SACS: variants seen among roughly 807,000 people sequenced by gnomAD.
The protein encoded by SACS is sacsin.
A neutral mutation model predicts 348.0 loss-of-function variants in SACS; 197 were observed. The observed-to-expected ratio is 0.57, with a 90% CI of 0.50 to 0.64. SACS has a LOEUF of 0.64. Ranked by LOEUF, SACS falls within the 30% of genes least tolerant of loss-of-function variation. SACS has a pLI of 0.00. For synonymous variants in SACS, 1,985 were observed against 1,910.6 expected (o/e 1.04, Z -1.02); for missense variants, 4,999 against 5,360.8 (o/e 0.93, Z 2.11).
chr13:23,433,099 T>C (rs1219582783), intron 1 of SACS, among the ~76,000 whole-genome samples: 1 of 152,204 alleles, frequency 6.6e-6, no homozygotes, highest in Non-Finnish European at 1.5e-5. Context: ...CCATAACATA[T>C]GGCATTGTTT....
chr13:23,391,698 C>T (rs7989018), intron 2 of SACS, among the ~76,000 whole-genome samples: 122,605 of 152,072 alleles, frequency 0.81, 50,579 homozygotes, highest in East Asian at 1. Context: ...CCCCTTTGCA[C>T]ATAAACCCAT....
rs2137646278 is a variant in SACS, at chr13:23,341,696, A to G, written c.2186-6T>C. The stretch of plus-strand genomic sequence containing the variant: ...CAGCTGAGTACATGGTCTTCCTGTA[A>G]ATCATACACAGAAATGTCATAAATA... On this transcript the variant is annotated splice_polypyrimidine_tract_variant and splice_region_variant and intron_variant, in intron 9 of 9. Transcript: ENST00000382292. 6.2e-7 allele frequency: 1 copy of G among 1,610,956 alleles called. No homozygotes were observed. Among genetic ancestry groups the G allele is most frequent in the Non-Finnish European group, 8.5e-7 (1 of 1,178,602 alleles).
At chr13:23,429,251 A>G (rs1044619837) in intron 1 of SACS, among the ~76,000 whole-genome samples, 2 of 150,342 alleles carry the variant, frequency 1.3e-5, no homozygotes, top group African/African-American at 4.9e-5. Context: ...ATAATATTCA[A>G]TTATTTCTTT....
rs1475245253 is a variant in SACS at position 23,406,435 on chromosome 13, A to C, written c.20+4785T>G. Among the ~76,000 whole-genome samples the C allele has an allele frequency of 2.0e-5, 3 of 152,286 alleles. No homozygotes were observed. In the East Asian group the frequency reaches 5.8e-4, roughly 29 times the overall value. ...GGGAGAAATACCTAATGTAGATGACAGATTGATGGGTGCAGCAAACCACCA... is the reference window on the plus strand; with the variant it reads ...GGGAGAAATACCTAATGTAGATGACCGATTGATGGGTGCAGCAAACCACCA... On this transcript the variant is annotated intron_variant, in intron 2 of 9. Coordinates refer to ENST00000382292, the MANE Select transcript of SACS (RefSeq NM_014363.6).
In SACS at chr13:23,352,354, C is replaced by T. The variant is rs79271442; in HGVS notation, c.2185+1431G>A. On this transcript the variant is annotated intron_variant, in intron 9 of 9. Transcript: ENST00000382292. ...AAAGCCAGACGCAGAATATATGCCA[C>T]ATGGCTCCTTCTATACAAAGCATGA... is the stretch of plus-strand genomic sequence containing the variant. Among the ~76,000 whole-genome samples, 104 of 152,352 alleles carry T rather than the reference C, an allele frequency of 6.8e-4. 3 individuals are homozygous for T. In the East Asian group the frequency reaches 0.018, roughly 26 times the overall value.
At chr13:23,379,861 C>T (rs975437006) in intron 2 of SACS, among the ~76,000 whole-genome samples, 6 of 152,164 alleles carry the variant, frequency 3.9e-5, no homozygotes, top group African/African-American at 1.4e-4. Flanking sequence ...AACAGGGCTT[C>T]CCTGGGCTAC....
chr13:23,330,655 G>A lies in SACS; in HGVS notation c.13221C>T (p.Ser4407=), dbSNP rs775826915. ...TCTGTTGCTGTCTTTCAGATTTATG[G>A]CTCGTTGCTTCTTGATTCCATGAAG... ...FYTSWNQEAT[S]HKSERQQQNK... The change falls in exon 10 of 10, where the codon AGC becomes AGT. Residue 4407 remains serine, a synonymous_variant. Transcript: ENST00000382292. The A allele has an allele frequency of 1.9e-6, 3 of 1,613,868 alleles. No homozygotes were observed. Among genetic ancestry groups the A allele is most frequent in the Admixed American group, 3.3e-5 (2 of 59,972 alleles).
rs1566079841 is a variant in SACS at position 23,354,965 on chromosome 13, T to TA, written c.1646dup (p.Leu549PhefsTer18). 6.2e-7 allele frequency: 1 copy of TA among 1,614,250 alleles called. No homozygotes were observed. On this transcript the variant is annotated frameshift_variant, in exon 8 of 10. Coordinates refer to ENST00000382292, the MANE Select transcript of SACS (RefSeq NM_014363.6). LOFTEE classifies it high-confidence loss of function. ...GCAACAGCTCGCTGAATAGAGGCTC[T>TA]AACACCGGTTGCCAGTGCACCTTGA...
chr13:23,339,712 A>C lies in SACS; in HGVS notation c.4164T>G (p.Ser1388=). The part of the protein sequence containing the change: ...PVPIHHSKNP[S]KLIMKPIHEC... The stretch of plus-strand genomic sequence containing the variant: ...CGTGAATTGGCTTCATGATAAGTTT[A>C]GAAGGATTTTTGCTATGATGTATAG... The change falls in exon 10 of 10, where the codon TCT becomes TCG. Residue 1388 remains serine, a synonymous_variant. Coordinates refer to ENST00000382292, the MANE Select transcript of SACS (RefSeq NM_014363.6). The C allele has an allele frequency of 6.2e-7, 1 of 1,614,154 alleles. No homozygotes were observed. Among genetic ancestry groups the C allele is most frequent in the South Asian group, 1.1e-5 (1 of 91,078 alleles).
At chr13:23,352,702 C>T (rs1870043161) in intron 9 of SACS, among the ~76,000 whole-genome samples, 1 of 152,006 alleles carries the variant, frequency 6.6e-6, no homozygotes, top group Admixed American at 6.6e-5. Flanking sequence ...GGAATCCAGG[C>T]TTAGACTTTC....
intron 2 of SACS, among the ~76,000 whole-genome samples, chr13:23,392,301 G>C (rs1872557572): frequency 6.6e-6 from 1 of 152,186 alleles, no homozygotes; most frequent in Non-Finnish European, 1.5e-5. Context: ...CATATGGAGG[G>C]ATGACAGTGG....
intron 9 of SACS, among the ~76,000 whole-genome samples, chr13:23,347,652 G>A (rs185807640): frequency 6.6e-6 from 1 of 152,284 alleles, no homozygotes; most frequent in East Asian, 1.9e-4. Context: ...ACAGTCTAAT[G>A]GAGAAGGCAA....
Position 23,330,190 on chromosome 13 carries a change from T to C in SACS, c.13686A>G (p.Glu4562=), listed in dbSNP as rs780522946. ...FTSEVAMRVM[E]CTACIIIKLE... is the part of the protein sequence containing the mutation. Reference sequence around the variant, plus strand: ...GTTTTATTATGATACAGGCAGTACATTCCATCACCCTCATAGCAACCTCAG... The same window carrying C: ...GTTTTATTATGATACAGGCAGTACACTCCATCACCCTCATAGCAACCTCAG... The change falls in exon 10 of 10, where the codon GAA becomes GAG. Residue 4562 remains glutamate, a synonymous_variant. Coordinates refer to ENST00000382292, the MANE Select transcript of SACS (RefSeq NM_014363.6). 9.3e-6 allele frequency: 15 copies of C among 1,614,018 alleles called. No homozygotes were observed. The East Asian group carries it at 3.3e-4, about 36-fold the overall frequency.
At position 23,355,347 on chromosome 13, in the gene SACS, A is replaced by G. The variant is rs1350598685; in HGVS notation, c.1265T>C (p.Ile422Thr). 5.6e-6 allele frequency: 9 copies of G among 1,614,026 alleles called. No homozygotes were observed. The highest frequency in any genetic ancestry group is 7.6e-6 in the Non-Finnish European group (9 of 1,180,040). Reference sequence around the variant, plus strand: ...ATCTCTGCTTGATAAAGGCATGGCTATTCCAATGATTGGGACAAATTTCAG... The same window carrying G: ...ATCTCTGCTTGATAAAGGCATGGCTGTTCCAATGATTGGGACAAATTTCAG... Reference protein sequence around the residue: ...DELKFVPIIGIAMPLSSRDDE... With the variant: ...DELKFVPIIGTAMPLSSRDDE... Residue 422 changes from isoleucine (I) to threonine (T), a missense_variant, in exon 8 of 10, where the codon ATA (isoleucine) becomes ACA (threonine). By Grantham distance (89) the Ile-to-Thr change is moderately conservative. Around this residue, in one of 6 missense-constraint regions of SACS, gnomAD observed 3,156 missense variants for 3,380.1 expected, o/e 0.93. Coordinates refer to ENST00000382292, the MANE Select transcript of SACS (RefSeq NM_014363.6).
chr13:23,383,831 C>T (rs190460936), intron 2 of SACS, among the ~76,000 whole-genome samples: 91 of 152,264 alleles, frequency 6.0e-4, no homozygotes, highest in Non-Finnish European at 1.2e-3. Context: ...TGCTAAGTCC[C>T]CCTCTGGAGA....
rs947260883 is a variant in SACS at position 23,333,468 on chromosome 13, G to A, written c.10408C>T (p.Pro3470Ser). The change falls in exon 10 of 10, where the codon CCT becomes TCT. Residue 3470 changes from proline (P) to serine (S), a missense_variant. Transcript: ENST00000382292. ...AAATATACCTCAAGATCATCTACAG[G>A]TACACAACCAATCACCTCATATAGT... ...KELYEVIGCV[P>S]VDDLEVYLKH... is the part of the protein sequence containing the mutation. The A allele has an allele frequency of 1.9e-6, 3 of 1,612,574 alleles. No homozygotes were observed. Among genetic ancestry groups the A allele is most frequent in the Non-Finnish European group, 2.5e-6 (3 of 1,179,012 alleles).
Position 23,333,030 on chromosome 13 carries a change from A to T in SACS, c.10846T>A (p.Trp3616Arg). Residue 3616 changes from tryptophan (W) to arginine (R), a missense_variant, in exon 10 of 10, where the codon TGG becomes AGG. Physicochemically the swap from Trp to Arg is moderately radical, Grantham distance 101 (BLOSUM62 -3). This residue lies in a region of SACS where 831 missense variants were observed against 941.8 expected (regional missense o/e 0.88). Coordinates refer to ENST00000382292, the MANE Select transcript of SACS (RefSeq NM_014363.6). ...EISVRANTEN[W>R]SKETLQNTVD... Reference sequence around the variant, plus strand: ...GTATTTTGCAATGTTTCTTTGGACCAGTTTTCTGTATTAGCCCTCACACTG... The same window carrying T: ...GTATTTTGCAATGTTTCTTTGGACCTGTTTTCTGTATTAGCCCTCACACTG... The T allele has an allele frequency of 6.2e-7, 1 of 1,613,994 alleles. No individual in the cohort carries two copies. The highest frequency in any genetic ancestry group is 8.5e-7 in the Non-Finnish European group (1 of 1,179,916).
chr13:23,433,295 C>T (rs1874511579), intron 1 of SACS, among the ~76,000 whole-genome samples: 1 of 152,144 alleles, frequency 6.6e-6, no homozygotes, highest in Admixed American at 6.5e-5. Context: ...GCATCTTGAC[C>T]GCGGCAGATC....
At position 23,339,237 on chromosome 13, in the gene SACS, T is replaced by A. The variant is rs772907934; in HGVS notation, c.4639A>T (p.Arg1547Trp). ...TTTCCAACTTTGTCAACTTCTCCCC[T>A]TTTTAAAGATTCTCCTAACCTAGTT... ...NITRLGESLK[R>W]GEVDKVGKFG... The change falls in exon 10 of 10, where the codon AGG becomes TGG. Residue 1547 changes from arginine (R) to tryptophan (W), a missense_variant. Transcript: ENST00000382292. 27 of 1,607,474 alleles carry A rather than the reference T, an allele frequency of 1.7e-5. No homozygotes were observed. Among genetic ancestry groups the A allele is most frequent in the Admixed American group, 3.4e-5 (2 of 58,840 alleles).
Sources: gnomAD v4.1 joint callset for allele counts (sites outside exome capture counted in the v4.1 genomes callset) on GRCh38, gnomAD v4.1.1 for gene constraint, gnomAD v4.1.1 regional missense constraint, MANE v1.5 for transcripts, NCBI Gene and HGNC (gene_info 2026-07-23, HGNC 2026-07-21) for gene names.